Variants in MAPRE3 observed in about 807,000 individuals in gnomAD.
The protein encoded by MAPRE3 is microtubule-associated protein RP/EB family member 3.
Under a neutral mutation model 30.5 loss-of-function variants are expected in MAPRE3, and 2 were observed. That is an observed-to-expected ratio of 0.07 (90% confidence interval 0.03 to 0.21). MAPRE3 has a LOEUF of 0.21. MAPRE3 is among the 10% of genes least tolerant of loss of function. MAPRE3 has a pLI of 1.00. For missense variants in MAPRE3, 204 were observed against 351.8 expected (o/e 0.58, Z 3.36); for synonymous variants, 110 against 127.7 (o/e 0.86, Z 0.93).
At chr2:26,982,390 G>A (rs1015521867) in intron 1 of MAPRE3, among the ~76,000 whole-genome samples, 3 of 152,244 alleles carry the variant, frequency 2.0e-5, no homozygotes, top group African/African-American at 4.8e-5. Context: ...CTGTGGAAAC[G>A]GAAAAGCTAG....
chr2:26,972,026 A>G (rs1225925893), intron 1 of MAPRE3, among the ~76,000 whole-genome samples: 1 of 152,202 alleles, frequency 6.6e-6, no homozygotes, highest in Non-Finnish European at 1.5e-5. Context: ...TTTCCAGAAG[A>G]ACTGAGTTGA....
chr2:27,019,657 G>T (rs1352912868), intron 1 of MAPRE3, among the ~76,000 whole-genome samples: 1 of 152,132 alleles, frequency 6.6e-6, no homozygotes, highest in Non-Finnish European at 1.5e-5. Flanking sequence ...AAATTGCCAG[G>T]TCTTGAGTCT....
At chr2:26,977,911 C>G (rs1342865399) in intron 1 of MAPRE3, among the ~76,000 whole-genome samples, 1 of 152,234 alleles carries the variant, frequency 6.6e-6, no homozygotes. Context: ...TTGGCCTCCT[C>G]CTGAGGATCC....
At chr2:27,008,101 G>T (rs1258125747) in intron 1 of MAPRE3, among the ~76,000 whole-genome samples, 3 of 152,186 alleles carry the variant, frequency 2.0e-5, no homozygotes, top group African/African-American at 7.2e-5. Context: ...TATGGATTCA[G>T]CCCCAATAAT....
chr2:26,990,433 G>A (rs1414004615), intron 1 of MAPRE3, among the ~76,000 whole-genome samples: 1 of 152,054 alleles, frequency 6.6e-6, no homozygotes, highest in Non-Finnish European at 1.5e-5. Flanking sequence ...ATCACTTCTT[G>A]CCCAAAACTT....
At chr2:26,991,406 G>A (rs1357650923) in intron 1 of MAPRE3, among the ~76,000 whole-genome samples, 1 of 152,178 alleles carries the variant, frequency 6.6e-6, no homozygotes, top group Non-Finnish European at 1.5e-5. Flanking sequence ...GTGGTGGCTG[G>A]ACCAATACTG....
In MAPRE3 at chr2:27,015,537, C is replaced by G. The variant is rs886693556; in HGVS notation, c.-7-6675C>G. On this transcript the variant is annotated intron_variant, in intron 1 of 6. Transcript: ENST00000233121. This position sits in a 1 kb window ranked among gnomAD's most constrained non-coding sequence, Gnocchi z 4.0. ...GTGTGTCTTTCATAGCCACGCTGGG[C>G]AGAGGGTGGAGGCCTGGAAACTGCA... Among the ~76,000 whole-genome samples, 4 of 152,116 alleles carry G rather than the reference C, an allele frequency of 2.6e-5. No individual in the cohort carries two copies. The East Asian group carries it at 7.7e-4, about 29-fold the overall frequency.
rs114594519 is a variant in MAPRE3, at chr2:27,001,779, C to T, written c.-7-20433C>T. 8.3e-3 allele frequency among the ~76,000 whole-genome samples: 1,263 copies of T among 152,304 alleles called. 18 individuals carry two copies. Among genetic ancestry groups the T allele is most frequent in the African/African-American group, 0.03 (1,230 of 41,550 alleles). The stretch of plus-strand genomic sequence containing the variant: ...CAGCATAATCTTATGGAACCACTGT[C>T]GTACATGCAGTCTGTTGTTGATGTA... On this transcript the variant is annotated intron_variant, in intron 1 of 6. Coordinates refer to ENST00000233121, the MANE Select transcript of MAPRE3 (RefSeq NM_012326.4).
At chr2:27,007,150 C>T (rs1666747982) in intron 1 of MAPRE3, among the ~76,000 whole-genome samples, 1 of 152,070 alleles carries the variant, frequency 6.6e-6, no homozygotes, top group South Asian at 2.1e-4. Flanking sequence ...TTTCCTTTAC[C>T]TTGAAGTTGA....
At chr2:27,021,937 C>T (rs1667118440) in intron 1 of MAPRE3, among the ~76,000 whole-genome samples, 1 of 152,216 alleles carries the variant, frequency 6.6e-6, no homozygotes, top group African/African-American at 2.4e-5. Context: ...TGCCTCATCA[C>T]TCCCTACTGA....
Position 27,015,867 on chromosome 2 carries a change from A to C in MAPRE3, c.-7-6345A>C, listed in dbSNP as rs547060264. Among the ~76,000 whole-genome samples, 5 of 152,274 alleles carry C rather than the reference A, an allele frequency of 3.3e-5. No individual in the cohort carries two copies. In the South Asian group the frequency reaches 1.0e-3, roughly 32 times the overall value. On this transcript the variant is annotated intron_variant, in intron 1 of 6. Coordinates refer to ENST00000233121, the MANE Select transcript of MAPRE3 (RefSeq NM_012326.4). The surrounding 1 kb of genome is among the most constrained non-coding windows in gnomAD (Gnocchi z 4.0). Reference sequence around the variant, plus strand: ...ATGGTCTCTAGAAACCCTTCTGACCATGGGTTAGTGGGATTTGGTCTTGAT... The same window carrying C: ...ATGGTCTCTAGAAACCCTTCTGACCCTGGGTTAGTGGGATTTGGTCTTGAT...
At chr2:27,020,454 C>T (rs1667086502) in intron 1 of MAPRE3, among the ~76,000 whole-genome samples, 2 of 152,168 alleles carry the variant, frequency 1.3e-5, no homozygotes, top group African/African-American at 4.8e-5. Flanking sequence ...TTTTCCATTT[C>T]TGATAAAGAT....
chr2:26,984,471 T>A (rs1666179157), intron 1 of MAPRE3, among the ~76,000 whole-genome samples: 1 of 152,118 alleles, frequency 6.6e-6, no homozygotes, highest in South Asian at 2.1e-4. Flanking sequence ...TAGTAAAGAG[T>A]AAGTGAGAAA....
At position 27,024,177 on chromosome 2, in the gene MAPRE3, G is replaced by A. The variant is rs780104460; in HGVS notation, c.349G>A (p.Ala117Thr). ...FIQWFKKFFDANYDGKDYNPL... is the reference protein window; with the variant it reads ...FIQWFKKFFDTNYDGKDYNPL... ...TCAGTGGTTTAAGAAATTCTTTGAC[G>A]CAAACTATGATGGAAAGGATTACAA... The change falls in exon 4 of 7, where the codon GCA (alanine) becomes ACA (threonine). Residue 117 changes from alanine to threonine, a missense_variant. Physicochemically the swap from Ala to Thr is moderately conservative, Grantham distance 58. This residue lies in a region of MAPRE3 where 101 missense variants were observed against 205.4 expected (regional missense o/e 0.49). Transcript: ENST00000233121. 1.2e-6 allele frequency: 2 copies of A among 1,613,990 alleles called. No individual in the cohort carries two copies. Among genetic ancestry groups the A allele is most frequent in the Non-Finnish European group, 1.7e-6 (2 of 1,179,938 alleles).
Position 27,026,619 on chromosome 2 carries a change from C to A in MAPRE3, c.*271C>A. On this transcript the variant is annotated 3_prime_UTR_variant, in exon 7 of 7. Coordinates refer to ENST00000233121, the MANE Select transcript of MAPRE3 (RefSeq NM_012326.4). ...CTCTGCTGTGTCGCCCAACACTTCC[C>A]AGGGTGCTGCTGCCACCCGCCCCAG... The A allele has an allele frequency of 2.5e-6, 1 of 399,156 alleles. No homozygotes were observed. The highest frequency in any genetic ancestry group is 4.4e-6 in the Non-Finnish European group (1 of 225,342). The allele number at this position is 399,156 out of a possible 1,614,324, so 24.7% of individuals were successfully genotyped here. A position where few individuals can be genotyped will look rare whatever the true frequency, so the allele number is the denominator to read the frequency against.
At chr2:27,025,509 C>T in intron 4 of MAPRE3, 74 bp from the exon 5 acceptor site, 6 of 1,471,222 alleles carry the variant, frequency 4.1e-6, no homozygotes, top group Non-Finnish European at 5.5e-6. Context: ...CCCCGCAGTC[C>T]TCACACCAGG....
chr2:26,978,673 G>A (rs1276351114), intron 1 of MAPRE3, among the ~76,000 whole-genome samples: 2 of 152,190 alleles, frequency 1.3e-5, no homozygotes, highest in Non-Finnish European at 2.9e-5. Flanking sequence ...TACCCCAAAA[G>A]TATAGTTCCC....
chr2:26,973,985 T>A (rs894873536), intron 1 of MAPRE3, among the ~76,000 whole-genome samples: 1 of 152,226 alleles, frequency 6.6e-6, no homozygotes, highest in Non-Finnish European at 1.5e-5. Context: ...ATGGTATAGT[T>A]TAATGCCCTC....
intron 1 of MAPRE3, among the ~76,000 whole-genome samples, chr2:27,005,169 GGAA>G (rs1397227101): frequency 2.0e-5 from 3 of 152,088 alleles, no homozygotes; most frequent in African/African-American, 7.2e-5. Flanking sequence ...CCCTGCCCAA[GGAA>G]GTAGTCACAG....
Sources: allele counts gnomAD v4.1 joint callset (sites outside exome capture counted in the v4.1 genomes callset), GRCh38; gene constraint gnomAD v4.1.1; regional missense constraint gnomAD v4.1.1; non-coding constraint Gnocchi (gnomAD v3.1); transcripts MANE v1.5; gene names NCBI Gene and HGNC (gene_info 2026-07-23, HGNC 2026-07-21).